INSRR: variants seen among roughly 807,000 people sequenced by gnomAD.
INSRR encodes insulin receptor-related protein.
A neutral mutation model predicts 130.0 loss-of-function variants in INSRR; 114 were observed. The observed-to-expected ratio is 0.88, with a 90% CI of 0.75 to 1.02. The LOEUF is 1.02. Ranked by LOEUF, INSRR falls within the 50% of genes least tolerant of loss-of-function variation. INSRR has a pLI of 0.00. For synonymous variants in INSRR, 674 were observed against 705.2 expected, an observed-to-expected ratio of 0.96 and a Z score of 0.70; for missense variants, 1,657 against 1,735.2, an observed-to-expected ratio of 0.95 and a Z score of 0.80.
Position 156,845,274 on chromosome 1 carries a change from C to T in INSRR, c.2239G>A (p.Ala747Thr), listed in dbSNP as rs1339109112. 2 of 1,612,160 alleles carry T rather than the reference C, an allele frequency of 1.2e-6. No individual in the cohort carries two copies. The highest frequency in any genetic ancestry group is 1.6e-4 in the Middle Eastern group (1 of 6,084). The change falls in exon 12 of 22, where the codon GCA (alanine) becomes ACA (threonine). Residue 747 changes from alanine to threonine, a missense_variant. Transcript: ENST00000368195. ...CCCCCCAGCCGGAGGGGCCCAGCTG[C>T]CCGGCGGTGCCGCCCTGAGTCCCTG... ...PQRDSGRHRR[A>T]AGPLRLGGNS...
rs1430511555 is a variant in INSRR, at chr1:156,845,141, T to C, written c.2372A>G (p.Asn791Ser). 2.5e-6 allele frequency: 4 copies of C among 1,611,996 alleles called. No homozygotes were observed. The highest frequency in any genetic ancestry group is 1.3e-5 in the African/African-American group (1 of 74,916). The change falls in exon 12 of 22, where the codon AAC becomes AGC. Residue 791 changes from asparagine to serine, a missense_variant. Asn to Ser is a conservative substitution (Grantham distance 46). Transcript: ENST00000368195. Reference sequence around the variant, plus strand: ...GCAGCCCACGGTGTGCGCCGCGTGGTTGCAGGCATGGATGTCGATCCGGTA... The same window carrying C: ...GCAGCCCACGGTGTGCGCCGCGTGGCTGCAGGCATGGATGTCGATCCGGTA... The part of the protein sequence containing the change: ...TEYRIDIHAC[N>S]HAAHTVGCSA...
At position 156,840,540 on chromosome 1, in the gene INSRR, G is replaced by T. The variant is rs1654731875; in HGVS notation, c.*333C>A. The T allele has an allele frequency of 2.8e-6, 1 of 356,468 alleles. No homozygotes were observed. The highest frequency in any genetic ancestry group is 4.2e-5 in the Admixed American group (1 of 24,064). The allele number at this position is 356,468 out of a possible 1,614,324, so 22.1% of individuals were successfully genotyped here. On this transcript the variant is annotated 3_prime_UTR_variant, in exon 22 of 22. Coordinates refer to ENST00000368195, the MANE Select transcript of INSRR (RefSeq NM_014215.3). ...ACCTGTCCAGAGGAGACCCCAAACTGAGGGGCAGGGCCTCTAGGGTGGGCG... is the reference window on the plus strand; with the variant it reads ...ACCTGTCCAGAGGAGACCCCAAACTTAGGGGCAGGGCCTCTAGGGTGGGCG...
chr1:156,846,036 T>A lies in INSRR; in HGVS notation c.1894A>T (p.Asn632Tyr). The A allele has an allele frequency of 6.2e-7, 1 of 1,613,992 alleles. No individual in the cohort carries two copies. The highest frequency in any genetic ancestry group is 8.5e-7 in the Non-Finnish European group (1 of 1,179,946). Residue 632 changes from asparagine (N) to tyrosine (Y), a missense_variant, in exon 9 of 22, where the codon AAT becomes TAT. Coordinates refer to ENST00000368195, the MANE Select transcript of INSRR (RefSeq NM_014215.3). ...ACCAGGTAGTAGGTGAGGTTCCCAT[T>A]GCGCTGGGTCGGTGGCTTCCAGCGC... ...LVRWKPPTQR[N>Y]GNLTYYLVLW...
Position 156,852,027 on chromosome 1 carries a change from G to A in INSRR, c.802C>T (p.Gln268Ter), listed in dbSNP as rs767117657. Residue 268 changes from glutamine to a stop codon, truncating the protein, a stop_gained, in exon 3 of 22, where the codon CAG becomes TAG. Coordinates refer to ENST00000368195, the MANE Select transcript of INSRR (RefSeq NM_014215.3). LOFTEE classifies it high-confidence loss of function. Reference sequence around the variant, plus strand: ...GTGACACAGCGCCAGGACTCATACTGGTAGGTGCCTGGCGGGCAGGCCCAC... The same window carrying A: ...GTGACACAGCGCCAGGACTCATACTAGTAGGTGCCTGGCGGGCAGGCCCAC... The part of the protein sequence containing the change: ...CLWACPPGTY[Q>*]YESWRCVTAE... The A allele has an allele frequency of 6.2e-7, 1 of 1,613,524 alleles. No individual in the cohort carries two copies. Among genetic ancestry groups the A allele is most frequent in the Non-Finnish European group, 8.5e-7 (1 of 1,179,888 alleles).
Position 156,858,637 on chromosome 1 carries a change from T to C in INSRR, c.-16A>G, listed in dbSNP as rs1359269196. The C allele has an allele frequency of 5.6e-6, 9 of 1,611,100 alleles. No individual in the cohort carries two copies. Among genetic ancestry groups the C allele is most frequent in the African/African-American group, 1.3e-5 (1 of 74,986 alleles). On this transcript the variant is annotated 5_prime_UTR_variant, in exon 1 of 22. Transcript: ENST00000368195. ...GCACTGCCATTGTCCCAGCCCTGGC[T>C]TGTGTCCAGTCCCGGCTCTCCTCCC...
chr1:156,842,259 G>C lies in INSRR; in HGVS notation c.3250C>G (p.Leu1084Val). ...LRPEAENNPG[L>V]PQPALGEMIQ... ...ATTTCCCCCAATGCTGGCTGTGGGA[G>C]CCCAGGGTTGTTCTAGAGCCAAGAT... is the stretch of plus-strand genomic sequence containing the variant. Residue 1084 changes from leucine (L) to valine (V), a missense_variant, in exon 19 of 22, where the codon CTC (leucine) becomes GTC (valine). Physicochemically the swap from Leu to Val is conservative, Grantham distance 32. Transcript: ENST00000368195. 1 of 1,613,968 alleles carries C rather than the reference G, an allele frequency of 6.2e-7. No individual in the cohort carries two copies. Among genetic ancestry groups the C allele is most frequent in the Non-Finnish European group, 8.5e-7 (1 of 1,179,974 alleles).
At chr1:156,856,861 C>T (rs184872064) in intron 1 of INSRR, among the ~76,000 whole-genome samples, 1 of 152,262 alleles carries the variant, frequency 6.6e-6, no homozygotes, top group Non-Finnish European at 1.5e-5. Context: ...TTCCCTTTCT[C>T]TCCCTGGACT....
rs1198783537 is a variant in INSRR at position 156,845,111 on chromosome 1, G to GCGCTGCAGCCCACGGTGTGCGC, written c.2380_2401dup (p.Ala801GlyfsTer23). 1 of 1,611,098 alleles carries GCGCTGCAGCCCACGGTGTGCGC rather than the reference G, an allele frequency of 6.2e-7. No individual in the cohort carries two copies. The highest frequency in any genetic ancestry group is 1.7e-5 in the Admixed American group (1 of 59,714). On this transcript the variant is annotated frameshift_variant, in exon 12 of 22. Transcript: ENST00000368195. LOFTEE classifies it high-confidence loss of function. ...GGTGCGCGCAAAGACGAAGGTGGCGGCGCTGCAGCCCACGGTGTGCGCCGC... is the reference window on the plus strand; with the variant it reads ...GGTGCGCGCAAAGACGAAGGTGGCGGCGCTGCAGCCCACGGTGTGCGCCGCTGCAGCCCACGGTGTGCGCCGC...
intron 21 of INSRR, 50 bp from the exon 22 acceptor site, chr1:156,841,154 G>C: frequency 1.4e-6 from 2 of 1,381,916 alleles, no homozygotes; most frequent in Non-Finnish European, 2.0e-6. Context: ...CCCCTGCCAC[G>C]CTCTCAGCCT....
At chr1:156,845,540 A>G (rs528220214) in intron 10 of INSRR, 79 bp downstream of exon 10, 1 of 1,311,640 alleles carries the variant, frequency 7.6e-7, no homozygotes, top group African/African-American at 1.5e-5. Context: ...CCCACCCACA[A>G]ACCCCACCCC....
At position 156,855,900 on chromosome 1, in the gene INSRR, T is replaced by C. The variant is rs574169775; in HGVS notation, c.86-1597A>G. ...TCTGCTTTATTTTTCTCTATAATTC[T>C]TAACACTGACTAATGTGCGTGTGTG... On this transcript the variant is annotated intron_variant, in intron 1 of 21. Transcript: ENST00000368195. Among the ~76,000 whole-genome samples the C allele has an allele frequency of 1.2e-4, 18 of 152,080 alleles. No individual in the cohort carries two copies. In the East Asian group the frequency reaches 2.9e-3, roughly 24 times the overall value.
Position 156,848,918 on chromosome 1 carries a change from C to CA in INSRR, c.1571+2dup, listed in dbSNP as rs1468540837. The CA allele has an allele frequency of 6.4e-7, 1 of 1,565,518 alleles. No individual in the cohort carries two copies. The highest frequency in any genetic ancestry group is 1.4e-5 in the African/African-American group (1 of 73,904). ...CCGCTCCGGCCCCGCCCCCGGCACT[C>CA]ACGACTCCTTGTAGTACACGATGAA... On this transcript the variant is annotated splice_region_variant and intron_variant, in intron 7 of 21. Transcript: ENST00000368195.
chr1:156,849,137 C>A, intron 6 of INSRR, 90 bp from the exon 7 acceptor site: 1 of 1,598,352 alleles, frequency 6.3e-7, no homozygotes, highest in Non-Finnish European at 8.5e-7. Context: ...CCCAGTGAGA[C>A]CTCTGAGGAG....
intron 5 of INSRR, among the ~76,000 whole-genome samples, chr1:156,849,997 G>T (rs1431554724): frequency 2.0e-5 from 3 of 151,904 alleles, no homozygotes; most frequent in Non-Finnish European, 4.4e-5. Flanking sequence ...TGACCTCCCG[G>T]GCTCAGGTGA....
At chr1:156,852,614 T>C (rs1038640568) in intron 2 of INSRR, among the ~76,000 whole-genome samples, 19 of 152,132 alleles carry the variant, frequency 1.2e-4, no homozygotes, top group African/African-American at 4.6e-4. Context: ...ACATCTGTCG[T>C]TTTACCCATG....
At chr1:156,853,540 AT>A (rs1468541301) in intron 2 of INSRR, among the ~76,000 whole-genome samples, 1 of 152,092 alleles carries the variant, frequency 6.6e-6, no homozygotes, top group Non-Finnish European at 1.5e-5. Context: ...CTATTCCATG[AT>A]GCCGCCTTGG....
chr1:156,852,786 C>G (rs980558699), intron 2 of INSRR, among the ~76,000 whole-genome samples: 1 of 152,204 alleles, frequency 6.6e-6, no homozygotes, highest in Non-Finnish European at 1.5e-5. Context: ...TCAGCCAGGT[C>G]GTGTTGACAC....
chr1:156,842,243 A>G lies in INSRR; in HGVS notation c.3266T>C (p.Leu1089Ser), dbSNP rs756700664. 2.0e-5 allele frequency: 33 copies of G among 1,613,542 alleles called. No homozygotes were observed. The East Asian group carries it at 6.2e-4, about 31-fold the overall frequency. Residue 1089 changes from leucine (L) to serine (S), a missense_variant, in exon 19 of 22, where the codon TTG becomes TCG. Physicochemically the swap from Leu to Ser is moderately radical, Grantham distance 145 (BLOSUM62 -2). Transcript: ENST00000368195. ...ENNPGLPQPA[L>S]GEMIQMAGEI... ...ACCAGCCATTTGGATCATTTCCCCC[A>G]ATGCTGGCTGTGGGAGCCCAGGGTT...
chr1:156,841,705 A>G lies in INSRR; in HGVS notation c.3487T>C (p.Ser1163Pro), dbSNP rs1654791583. The G allele has an allele frequency of 6.2e-7, 1 of 1,613,670 alleles. No individual in the cohort carries two copies. The highest frequency in any genetic ancestry group is 1.3e-5 in the African/African-American group (1 of 74,788). Residue 1163 changes from serine (S) to proline (P), a missense_variant, in exon 20 of 22, where the codon TCC (serine) becomes CCC (proline). Coordinates refer to ENST00000368195, the MANE Select transcript of INSRR (RefSeq NM_014215.3). ...GTGGTGAAGATCCCATCTTTGAGGGACTCGGGGGCCATCCAGCGCACGGGC... is the reference window on the plus strand; with the variant it reads ...GTGGTGAAGATCCCATCTTTGAGGGGCTCGGGGGCCATCCAGCGCACGGGC... Reference protein sequence around the residue: ...LLPVRWMAPESLKDGIFTTHS... With the variant: ...LLPVRWMAPEPLKDGIFTTHS...
Sources: gnomAD v4.1 joint callset for allele counts (sites outside exome capture counted in the v4.1 genomes callset) on GRCh38, gnomAD v4.1.1 for gene constraint, MANE v1.5 for transcripts, NCBI Gene and HGNC (gene_info 2026-07-23, HGNC 2026-07-21) for gene names.